Variants in PKD1L3 observed in about 807,000 individuals in gnomAD.
PKD1L3 encodes the protein polycystin 1 like 3, transient receptor potential channel interacting.
A neutral mutation model predicts 184.1 loss-of-function variants in PKD1L3; 239 were observed. That is an observed-to-expected ratio of 1.30 (90% CI 1.17 to 1.45). The LOEUF (loss-of-function observed/expected upper bound fraction) is 1.45. Ranked by LOEUF, PKD1L3 falls within the 40% of genes most tolerant of loss-of-function variation. PKD1L3 has a pLI of 0.00. For missense variants in PKD1L3, 2,660 were observed against 2,067.2 expected, an observed-to-expected ratio of 1.29 and a Z score of -5.56; for synonymous variants, 996 against 778.8, an observed-to-expected ratio of 1.28 and a Z score of -4.64.
In PKD1L3 at chr16:71,980,426, A is replaced by T. The variant is rs568203003; in HGVS notation, c.1144-292T>A. Reference sequence around the variant, plus strand: ...TTTTAAATGACAGCTTTATTGAGGTAACTTTCACATATACAGTTCATCCAC... The same window carrying T: ...TTTTAAATGACAGCTTTATTGAGGTTACTTTCACATATACAGTTCATCCAC... On this transcript the variant is annotated intron_variant, in intron 7 of 29. Transcript: ENST00000620267. 3.6e-4 allele frequency among the ~76,000 whole-genome samples: 55 copies of T among 152,306 alleles called. 1 individual carries two copies. The South Asian group carries it at 0.011, about 31-fold the overall frequency.
At position 71,942,872 on chromosome 16, in the gene PKD1L3, T is replaced by C; in HGVS notation, c.4012A>G (p.Ile1338Val). The stretch of plus-strand genomic sequence containing the variant: ...TCCCCATACAGGCTAGGAAGAAGGA[T>C]ATGATTGGCCCAGGGGTAGAAATCC... ...LQDFYPWANH[I>V]LLPSLYGDYR... is the part of the protein sequence containing the mutation. The change falls in exon 24 of 30, where the codon ATC (isoleucine) becomes GTC (valine). Residue 1338 changes from isoleucine to valine, a missense_variant. Coordinates refer to ENST00000620267, the MANE Select transcript of PKD1L3 (RefSeq NM_181536.2). The C allele has an allele frequency of 6.4e-7, 1 of 1,551,672 alleles. No homozygotes were observed. The highest frequency in any genetic ancestry group is 8.7e-7 in the Non-Finnish European group (1 of 1,146,980).
rs765978427 is a variant in PKD1L3, at chr16:71,979,878, T to C, written c.1306A>G (p.Thr436Ala). The C allele has an allele frequency of 1.9e-6, 3 of 1,546,508 alleles. No homozygotes were observed. Among genetic ancestry groups the C allele is most frequent in the African/African-American group, 1.4e-5 (1 of 72,612 alleles). Reference sequence around the variant, plus strand: ...CTCACAGGGGCTGGGTGACCCAGAGTGTAAGAGCTCAGCGGTAAAGTTGAT... The same window carrying C: ...CTCACAGGGGCTGGGTGACCCAGAGCGTAAGAGCTCAGCGGTAAAGTTGAT... ...NISTLPLSSY[T>A]LGHPAPVRLG... Residue 436 changes from threonine to alanine, a missense_variant, in exon 9 of 30, where the codon ACT becomes GCT. Transcript: ENST00000620267.
In PKD1L3 at chr16:71,979,655, A is replaced by C. The variant is rs556743046; in HGVS notation, c.1398+131T>G. On this transcript the variant is annotated intron_variant, in intron 9 of 29. Coordinates refer to ENST00000620267, the MANE Select transcript of PKD1L3 (RefSeq NM_181536.2). The stretch of plus-strand genomic sequence containing the variant: ...TCCCTGCCAGTGTAAAATAAAAATG[A>C]ATGCTACATAAACTCTCTCATCTGA... The C allele has an allele frequency of 9.1e-5, 101 of 1,112,488 alleles. 1 individual carries two copies. The South Asian group carries it at 1.7e-3, about 18-fold the overall frequency. 68.9% of individuals were successfully genotyped at this position (1,112,488 alleles called of 1,614,324 possible). A position where few individuals can be genotyped will look rare whatever the true frequency, so the allele number is the denominator to read the frequency against.
chr16:71,967,381 AG>A (rs1369973955), intron 14 of PKD1L3, 66 bp from the exon 15 acceptor site: 1 of 1,432,782 alleles, frequency 7.0e-7, no homozygotes, highest in Non-Finnish European at 9.3e-7. Flanking sequence ...TTTATCCCTA[AG>A]GAGAAAGACG....
chr16:71,945,174 G>C lies in PKD1L3; in HGVS notation c.3719-1004C>G, dbSNP rs1404614831. ...ACTTTGGGAGCACTGTTCTATAGTGGTATTCTCAGATTTTAATGTGCATAG... is the reference window on the plus strand; with the variant it reads ...ACTTTGGGAGCACTGTTCTATAGTGCTATTCTCAGATTTTAATGTGCATAG... On this transcript the variant is annotated intron_variant, in intron 22 of 29. Coordinates refer to ENST00000620267, the MANE Select transcript of PKD1L3 (RefSeq NM_181536.2). 9.8e-5 allele frequency among the ~76,000 whole-genome samples: 6 copies of C among 60,994 alleles called. No individual in the cohort carries two copies. The South Asian group carries it at 6.3e-3, about 64-fold the overall frequency. The allele number at this position is 60,994 out of a possible 152,430, so 40.0% of individuals were successfully genotyped here.
At position 71,992,963 on chromosome 16, in the gene PKD1L3, T is replaced by A. The variant is rs554431120; in HGVS notation, c.535+253A>T. ...AACTTTAAGACGACTACTTTGTTGA[T>A]GAAAAATTTTGTGGGAATAAAACCT... On this transcript the variant is annotated intron_variant, in intron 3 of 29. Transcript: ENST00000620267. 3.7e-4 allele frequency among the ~76,000 whole-genome samples: 56 copies of A among 152,356 alleles called. 1 individual carries two copies. In the South Asian group the frequency reaches 0.012, roughly 32 times the overall value.
chr16:71,971,606 G>C (rs2039712289), intron 12 of PKD1L3, among the ~76,000 whole-genome samples: 1 of 152,172 alleles, frequency 6.6e-6, no homozygotes, highest in Non-Finnish European at 1.5e-5. Flanking sequence ...GAGGAGAAAA[G>C]CTCTCAAGCT....
At chr16:71,945,384 A>ATT (rs1555514795) in intron 22 of PKD1L3, among the ~76,000 whole-genome samples, 6 of 40,670 alleles carry the variant, frequency 1.5e-4, no homozygotes, top group African/African-American at 5.0e-4. Context: ...GCACACACAC[A>ATT]TATATATATA....
chr16:71,980,229 A>C, intron 7 of PKD1L3, 95 bp from the exon 8 acceptor site: 3 of 1,427,620 alleles, frequency 2.1e-6, no homozygotes, highest in Non-Finnish European at 2.8e-6. Flanking sequence ...GGGAATTTTC[A>C]CAGTGTTGTA....
At chr16:71,970,254 G>A in intron 12 of PKD1L3, 149 bp from the exon 13 acceptor site, 1 of 647,960 alleles carries the variant, frequency 1.5e-6, no homozygotes. Context: ...TATAACCAAT[G>A]TGGAAAGTAA....
rs191792660 is a variant in PKD1L3, at chr16:71,982,993, G to A, written c.967-758C>T. Among the ~76,000 whole-genome samples the A allele has an allele frequency of 2.8e-4, 43 of 152,244 alleles. No individual in the cohort carries two copies. The East Asian group carries it at 7.9e-3, about 28-fold the overall frequency. On this transcript the variant is annotated intron_variant, in intron 6 of 29. Coordinates refer to ENST00000620267, the MANE Select transcript of PKD1L3 (RefSeq NM_181536.2). ...AAAAAAGTTACAATTTGACAGGGAA[G>A]GAGAATATATTATTTCATATAACCT...
Position 71,964,661 on chromosome 16 carries a change from G to C in PKD1L3, c.2466-1310C>G, listed in dbSNP as rs530604117. 4.0e-5 allele frequency among the ~76,000 whole-genome samples: 6 copies of C among 151,550 alleles called. No homozygotes were observed. The East Asian group carries it at 9.7e-4, about 25-fold the overall frequency. Reference sequence around the variant, plus strand: ...GCCAATTCAATGTATTTTGACAAACGTTTATACACCAGCACCATCAAAATA... The same window carrying C: ...GCCAATTCAATGTATTTTGACAAACCTTTATACACCAGCACCATCAAAATA... On this transcript the variant is annotated intron_variant, in intron 15 of 29. Transcript: ENST00000620267.
At chr16:71,993,392 A>G (rs2040667012) in intron 2 of PKD1L3, 60 bp from the exon 3 acceptor site, 9 of 1,106,246 alleles carry the variant, frequency 8.1e-6, no homozygotes, top group Middle Eastern at 2.0e-4. Flanking sequence ...ACAAGTCTAT[A>G]AAACCATCAT....
At chr16:71,978,432 A>G in intron 9 of PKD1L3, 49 bp from the exon 10 acceptor site, 2 of 1,494,050 alleles carry the variant, frequency 1.3e-6, no homozygotes, top group East Asian at 5.2e-5. Flanking sequence ...AATATTTTTA[A>G]GTGACCCCAC....
intron 13 of PKD1L3, among the ~76,000 whole-genome samples, chr16:71,968,397 C>A (rs1436164646): frequency 5.3e-5 from 8 of 152,080 alleles, no homozygotes; most frequent in Non-Finnish European, 1.5e-5. Flanking sequence ...ATTTAAAATG[C>A]AAATTTAACT....
At chr16:71,997,933 T>C (rs1436983845) in intron 2 of PKD1L3, among the ~76,000 whole-genome samples, 1 of 152,210 alleles carries the variant, frequency 6.6e-6, no homozygotes, top group Non-Finnish European at 1.5e-5. Flanking sequence ...CTCCTCCTTC[T>C]CTTTCCCATC....
At chr16:71,945,627 G>A (rs1259762461) in intron 22 of PKD1L3, among the ~76,000 whole-genome samples, 3 of 151,548 alleles carry the variant, frequency 2.0e-5, no homozygotes, top group Non-Finnish European at 4.4e-5. Flanking sequence ...GCAGTGAGCC[G>A]AGATTGTGCC....
Position 71,979,991 on chromosome 16 carries a change from C to T in PKD1L3, c.1271+16G>A. 1 of 1,551,346 alleles carries T rather than the reference C, an allele frequency of 6.4e-7. No individual in the cohort carries two copies. The highest frequency in any genetic ancestry group is 1.4e-5 in the African/African-American group (1 of 73,162). ...AAAACACAGTGAAACTCTCCCCGTT[C>T]CTTCTTCCCATTAACCTGCTCAGCA... On this transcript the variant is annotated intron_variant, in intron 8 of 29. Coordinates refer to ENST00000620267, the MANE Select transcript of PKD1L3 (RefSeq NM_181536.2).
At chr16:71,930,950 G>C (rs2037932998) in intron 28 of PKD1L3, 1 of 152,248 alleles carries the variant, frequency 6.6e-6, no homozygotes, top group East Asian at 1.9e-4. Context: ...GCACCAAACT[G>C]TTTTACCTAC....
Sources: gnomAD v4.1 joint callset for allele counts (sites outside exome capture counted in the v4.1 genomes callset) on GRCh38, gnomAD v4.1.1 for gene constraint, MANE v1.5 for transcripts, NCBI Gene and HGNC (gene_info 2026-07-23, HGNC 2026-07-21) for gene names.